The following SAMHD1 variants were observed in gnomAD, a reference collection of about 807,000 sequenced individuals.
SAMHD1 encodes the protein deoxynucleoside triphosphate triphosphohydrolase SAMHD1.
In SAMHD1, 54 loss-of-function variants were observed where a neutral mutation model predicts 79.6. The ratio of observed to expected loss-of-function variants is 0.68; its 90% confidence interval spans 0.55 to 0.85. The LOEUF (loss-of-function observed/expected upper bound fraction) is 0.85. SAMHD1 is among the 40% of genes least tolerant of loss of function. The pLI, the probability that SAMHD1 is intolerant of heterozygous loss-of-function variation, is 0.00. For missense variants in SAMHD1, 663 were observed against 782.7 expected, an observed-to-expected ratio of 0.85 and a Z score of 1.82; for synonymous variants, 260 against 264.1, an observed-to-expected ratio of 0.98 and a Z score of 0.15.
At chr20:36,931,004 T>C in intron 4 of SAMHD1, 129 bp from the exon 5 acceptor site, 1 of 709,826 alleles carries the variant, frequency 1.4e-6, no homozygotes, top group Non-Finnish European at 2.6e-6. Context: ...CTGAACAGTA[T>C]ATTTCAGAAC....
intron 15 of SAMHD1, chr20:36,893,401 C>G: frequency 2.5e-6 from 1 of 400,702 alleles, no homozygotes; most frequent in Middle Eastern, 7.2e-4. Flanking sequence ...AGACGGGATG[C>G]ACTGAACCCC....
chr20:36,942,235 G>A (rs1299094628), intron 2 of SAMHD1, among the ~76,000 whole-genome samples: 1 of 152,142 alleles, frequency 6.6e-6, no homozygotes, highest in Non-Finnish European at 1.5e-5. Flanking sequence ...GACTAACATG[G>A]AGAAACCCCG....
At chr20:36,904,131 A>G (rs770031017) in intron 13 of SAMHD1, 26 bp downstream of exon 13, 1 of 1,424,670 alleles carries the variant, frequency 7.0e-7, no homozygotes, top group Non-Finnish European at 9.9e-7. Context: ...GTATTCACTC[A>G]GTTTATTACT....
At chr20:36,900,345 A>G (rs1990280675) in intron 13 of SAMHD1, among the ~76,000 whole-genome samples, 1 of 149,144 alleles carries the variant, frequency 6.7e-6, no homozygotes, top group African/African-American at 2.5e-5. Flanking sequence ...TCCCAGGTTC[A>G]AGTGATTCTC....
At chr20:36,929,824 AAGG>A (rs1329079123) in intron 5 of SAMHD1, among the ~76,000 whole-genome samples, 1 of 152,194 alleles carries the variant, frequency 6.6e-6, no homozygotes, top group African/African-American at 2.4e-5. Context: ...CAGAAAAGAC[AAGG>A]AGTTCTCTAA....
chr20:36,931,111 A>G (rs763520237), intron 4 of SAMHD1: 5 of 535,894 alleles, frequency 9.3e-6, no homozygotes, highest in Non-Finnish European at 1.7e-5. Context: ...ACAGTGAGAT[A>G]CCACTTCACA....
At position 36,934,714 on chromosome 20, in the gene SAMHD1, A is replaced by T. The variant is rs528698830; in HGVS notation, c.509+315T>A. ...CTCTTGTTGCCTAGGCTGGAGTGCG[A>T]TGGTGCAATCTCAGCTCACTGCAAC... On this transcript the variant is annotated intron_variant, in intron 4 of 15. Transcript: ENST00000646673. 92 of 201,754 alleles carry T rather than the reference A, an allele frequency of 4.6e-4. 2 individuals are homozygous for T. The South Asian group carries it at 5.8e-3, about 13-fold the overall frequency. 12.5% of individuals were successfully genotyped at this position (201,754 alleles called of 1,614,324 possible).
chr20:36,938,564 C>G (rs1402909879), intron 3 of SAMHD1, among the ~76,000 whole-genome samples: 1 of 151,582 alleles, frequency 6.6e-6, no homozygotes, highest in African/African-American at 2.4e-5. Context: ...GGGACAGGCA[C>G]GGTGGCACGT....
chr20:36,902,408 C>G (rs1215550811), intron 13 of SAMHD1, among the ~76,000 whole-genome samples: 1 of 152,170 alleles, frequency 6.6e-6, no homozygotes, highest in Non-Finnish European at 1.5e-5. Flanking sequence ...GTCCCGAACT[C>G]CTGACCTCAG....
At chr20:36,896,594 TG>T (rs758876707) in intron 15 of SAMHD1, among the ~76,000 whole-genome samples, 12 of 151,978 alleles carry the variant, frequency 7.9e-5, no homozygotes, top group Non-Finnish European at 1.2e-4. Context: ...CCCAGCACTT[TG>T]GGGGGCCGAG....
At chr20:36,913,058 G>A (rs1305707115) in intron 9 of SAMHD1, among the ~76,000 whole-genome samples, 3 of 142,934 alleles carry the variant, frequency 2.1e-5, no homozygotes, top group African/African-American at 5.2e-5. Context: ...GTGCAGTGGC[G>A]CCATCTCGGC....
At chr20:36,898,612 A>C (rs1018353158) in intron 13 of SAMHD1, 68 bp from the exon 14 acceptor site, 8 of 1,236,506 alleles carry the variant, frequency 6.5e-6, no homozygotes, top group Middle Eastern at 1.9e-4. Context: ...CTGTAGGAGC[A>C]TAACAAGAAA....
chr20:36,936,833 C>CT (rs1009634677), intron 3 of SAMHD1, among the ~76,000 whole-genome samples: 1 of 151,706 alleles, frequency 6.6e-6, no homozygotes, highest in East Asian at 1.9e-4. Flanking sequence ...GCTAATTTTT[C>CT]TTTTTTTGGT....
In SAMHD1 at chr20:36,932,391, AGGGGGTTGCG is replaced by A. The variant is rs368460347; in HGVS notation, c.510-1526_510-1517del. 3.5e-3 allele frequency among the ~76,000 whole-genome samples: 383 copies of A among 110,824 alleles called. 2 individuals are homozygous for A. The highest frequency in any genetic ancestry group is 0.012 in the African/African-American group (341 of 28,408). The allele number at this position is 110,824 out of a possible 152,430, so 72.7% of individuals were successfully genotyped here. A position where few individuals can be genotyped will look rare whatever the true frequency, so the allele number is the denominator to read the frequency against. On this transcript the variant is annotated intron_variant, in intron 4 of 15. Coordinates refer to ENST00000646673, the MANE Select transcript of SAMHD1 (RefSeq NM_015474.4). ...AAAAAAAAGTAGAATGGTAGTTACT[AGGGGGTTGCG>A]GGGGGTTGCGGGGGGAGACATGAAG...
At chr20:36,912,880 TCATTCTTTG>T (rs1568767417) in intron 9 of SAMHD1, among the ~76,000 whole-genome samples, 3 of 132,258 alleles carry the variant, frequency 2.3e-5, no homozygotes, top group Non-Finnish European at 3.2e-5. Context: ...CAGCTAACTT[TCATTCTTTG>T]TTTTTTTTTT....
In SAMHD1 at chr20:36,912,441, A is replaced by G; in HGVS notation, c.1154+20T>C. 1.3e-6 allele frequency: 2 copies of G among 1,530,116 alleles called. No individual in the cohort carries two copies. Among genetic ancestry groups the G allele is most frequent in the Non-Finnish European group, 1.8e-6 (2 of 1,103,732 alleles). 94.8% of individuals were successfully genotyped at this position (1,530,116 alleles called of 1,614,324 possible). A position where few individuals can be genotyped will look rare whatever the true frequency, so the allele number is the denominator to read the frequency against. The stretch of plus-strand genomic sequence containing the variant: ...GTATCAAGGAAAATTTTATAGGGAA[A>G]TGACAATCAAGTTTCTTACATTGTA... On this transcript the variant is annotated intron_variant, in intron 10 of 15. Transcript: ENST00000646673.
rs769968442 is a variant in SAMHD1 at position 36,930,842 on chromosome 20, T to A, written c.543A>T (p.Ala181=). Residue 181 remains alanine (A), a synonymous_variant, in exon 5 of 16, where the codon GCA becomes GCT. Transcript: ENST00000646673. Reference sequence around the variant, plus strand: ...GCAGCTCTGGTTGTTTTTCACCCAGTGCGTGAACTAGACATCCTGCTAGAT... The same window carrying A: ...GCAGCTCTGGTTGTTTTTCACCCAGAGCGTGAACTAGACATCCTGCTAGAT... The part of the protein sequence containing the change: ...VGYLAGCLVH[A]LGEKQPELQI... 2.5e-6 allele frequency: 4 copies of A among 1,613,974 alleles called. No homozygotes were observed. The highest frequency in any genetic ancestry group is 3.4e-6 in the Non-Finnish European group (4 of 1,179,854).
intron 11 of SAMHD1, among the ~76,000 whole-genome samples, chr20:36,907,154 C>T (rs977522665): frequency 2.6e-5 from 4 of 151,470 alleles, no homozygotes; most frequent in African/African-American, 7.3e-5. Flanking sequence ...TGCAGTGGCG[C>T]GATCATAGTT....
At chr20:36,943,658 T>G (rs1208457640) in intron 2 of SAMHD1, among the ~76,000 whole-genome samples, 2 of 152,164 alleles carry the variant, frequency 1.3e-5, no homozygotes, top group Admixed American at 1.3e-4. Context: ...AACATGCACA[T>G]GGCTCCCTTG....
Sources: allele counts gnomAD v4.1 joint callset (sites outside exome capture counted in the v4.1 genomes callset), GRCh38; gene constraint gnomAD v4.1.1; transcripts MANE v1.5; gene names NCBI Gene and HGNC (gene_info 2026-07-23, HGNC 2026-07-21).